The following KIAA1217 variants were observed in gnomAD, a reference collection of about 807,000 sequenced individuals.
The protein encoded by KIAA1217 is sickle tail protein homolog.
A neutral mutation model predicts 163.9 loss-of-function variants in KIAA1217; 88 were observed. That is an observed-to-expected ratio of 0.54 (90% CI 0.45 to 0.64). The LOEUF (loss-of-function observed/expected upper bound fraction) is 0.64, where lower values mean the gene tolerates loss of function less well. Among genes scored for constraint, KIAA1217 ranks in the 30% least tolerant of loss-of-function variants. The pLI is 0.00. For synonymous variants in KIAA1217, 903 were observed against 923.1 expected, an observed-to-expected ratio of 0.98 and a Z score of 0.39; for missense variants, 2,372 against 2,475.0, an observed-to-expected ratio of 0.96 and a Z score of 0.88.
intron 1 of KIAA1217, among the ~76,000 whole-genome samples, chr10:23,852,852 T>G (rs545206762): frequency 6.6e-6 from 1 of 152,346 alleles, no homozygotes; most frequent in Non-Finnish European, 1.5e-5. Context: ...TTGTGATTTT[T>G]GTACATTGAT....
chr10:24,158,191 C>G, intron 2 of KIAA1217: 1 of 740,856 alleles, frequency 1.3e-6, no homozygotes, highest in Non-Finnish European at 2.5e-6. Context: ...GATGCAGAGT[C>G]CTCTTACTGG....
intron 10 of KIAA1217, among the ~76,000 whole-genome samples, chr10:24,517,926 C>T (rs1391381293): frequency 2.6e-5 from 4 of 152,136 alleles, no homozygotes; most frequent in South Asian, 2.1e-4. Flanking sequence ...ACCCGGGAGA[C>T]GGAGGTTGCA....
intron 2 of KIAA1217, among the ~76,000 whole-genome samples, chr10:24,338,482 T>C (rs999816050): frequency 6.6e-6 from 1 of 152,186 alleles, no homozygotes; most frequent in African/African-American, 2.4e-5. Flanking sequence ...TCCTATAGCA[T>C]GTGCACAAGT....
intron 2 of KIAA1217, among the ~76,000 whole-genome samples, chr10:24,271,272 G>C (rs1164921275): frequency 2.0e-5 from 3 of 152,108 alleles, no homozygotes; most frequent in Admixed American, 6.5e-5. Flanking sequence ...AAGAAACTCA[G>C]TAACATTGAA....
chr10:24,387,749 A>G (rs796728101), intron 3 of KIAA1217, among the ~76,000 whole-genome samples: 1 of 152,156 alleles, frequency 6.6e-6, no homozygotes, highest in Admixed American at 6.5e-5. Flanking sequence ...AAGCATTCCT[A>G]TACACCAATA....
intron 1 of KIAA1217, among the ~76,000 whole-genome samples, chr10:23,778,763 G>A (rs1835119576): frequency 6.6e-6 from 1 of 152,184 alleles, no homozygotes; most frequent in Non-Finnish European, 1.5e-5. Flanking sequence ...CTGACATAAA[G>A]TAGGCTGGCT....
intron 2 of KIAA1217, among the ~76,000 whole-genome samples, chr10:24,272,175 A>C (rs2076835609): frequency 6.6e-6 from 1 of 152,196 alleles, no homozygotes; most frequent in South Asian, 2.1e-4. Flanking sequence ...CAATGTGTTT[A>C]TGCAGTAAAA....
intron 1 of KIAA1217, among the ~76,000 whole-genome samples, chr10:23,824,574 G>C (rs2131021535): frequency 7.4e-6 from 1 of 135,296 alleles, no homozygotes; most frequent in East Asian, 2.4e-4. Context: ...GTTGCAGTGA[G>C]CTGAGATGGC....
At chr10:24,126,703 A>G (rs946091077) in intron 2 of KIAA1217, among the ~76,000 whole-genome samples, 4 of 152,032 alleles carry the variant, frequency 2.6e-5, no homozygotes, top group Non-Finnish European at 4.4e-5. Flanking sequence ...TGAACCACCC[A>G]CATAGCCCTG....
At chr10:23,937,208 A>G (rs1326427182) in intron 1 of KIAA1217, among the ~76,000 whole-genome samples, 1 of 152,170 alleles carries the variant, frequency 6.6e-6, no homozygotes, top group Non-Finnish European at 1.5e-5. Flanking sequence ...TATGTGAGCT[A>G]GGTTACATAT....
At chr10:24,189,399 C>T (rs1190404246) in intron 2 of KIAA1217, among the ~76,000 whole-genome samples, 2 of 152,054 alleles carry the variant, frequency 1.3e-5, no homozygotes, top group African/African-American at 4.8e-5. Context: ...AATGATTGGT[C>T]GCCTTGGTAT....
In KIAA1217 at chr10:24,546,414, T is replaced by C. The variant is rs953719860; in HGVS notation, c.*90T>C. On this transcript the variant is annotated 3_prime_UTR_variant, in exon 21 of 21. Coordinates refer to ENST00000376454, the MANE Select transcript of KIAA1217 (RefSeq NM_019590.5). ...TGTTTTCACAAGAGAATGTAACATATTGCTGTATCGTTTGAGGCTTAATGC... is the reference window on the plus strand; with the variant it reads ...TGTTTTCACAAGAGAATGTAACATACTGCTGTATCGTTTGAGGCTTAATGC... 1.4e-5 allele frequency: 18 copies of C among 1,293,182 alleles called. No homozygotes were observed. The Admixed American group carries it at 2.7e-4, about 19-fold the overall frequency. 80.1% of individuals were successfully genotyped at this position (1,293,182 alleles called of 1,614,324 possible). A position where few individuals can be genotyped will look rare whatever the true frequency, so the allele number is the denominator to read the frequency against.
intron 2 of KIAA1217, among the ~76,000 whole-genome samples, chr10:24,088,802 A>G (rs2061816745): frequency 8.0e-6 from 1 of 124,624 alleles, no homozygotes; most frequent in East Asian, 2.0e-4. Flanking sequence ...GCCTTTGGGT[A>G]TATATCCAGT....
chr10:23,731,485 C>T (rs545347844), intron 1 of KIAA1217, among the ~76,000 whole-genome samples: 35 of 152,162 alleles, frequency 2.3e-4, no homozygotes, highest in East Asian at 1.7e-3. Context: ...GTCTCTTATC[C>T]GGTGAAAAAG....
intron 1 of KIAA1217, among the ~76,000 whole-genome samples, chr10:23,767,870 G>C (rs1834611709): frequency 6.6e-6 from 1 of 152,168 alleles, no homozygotes; most frequent in Admixed American, 6.5e-5. Flanking sequence ...CCAGAGCGTA[G>C]GGTGTAAGCT....
intron 2 of KIAA1217, among the ~76,000 whole-genome samples, chr10:24,291,400 G>C (rs1184561977): frequency 2.0e-5 from 3 of 152,164 alleles, no homozygotes; most frequent in Non-Finnish European, 4.4e-5. Context: ...CATGGTGGCA[G>C]GTGCCTGAAA....
intron 2 of KIAA1217, among the ~76,000 whole-genome samples, chr10:24,313,269 A>G (rs1305571438): frequency 1.3e-5 from 2 of 152,174 alleles, no homozygotes; most frequent in Non-Finnish European, 2.9e-5. Context: ...GAGGACAATG[A>G]CAGGAGCCCT....
chr10:24,296,309 C>A (rs2040602158), intron 2 of KIAA1217, among the ~76,000 whole-genome samples: 1 of 152,150 alleles, frequency 6.6e-6, no homozygotes, highest in South Asian at 2.1e-4. Flanking sequence ...TCCATGTTGC[C>A]AAGGCTGGTT....
intron 1 of KIAA1217, among the ~76,000 whole-genome samples, chr10:23,832,486 A>T (rs924124947): frequency 9.9e-5 from 15 of 152,118 alleles, no homozygotes; most frequent in African/African-American, 3.6e-4. Flanking sequence ...GCCATTGGTG[A>T]TCATTCAATA....
Sources: allele counts gnomAD v4.1 joint callset (sites outside exome capture counted in the v4.1 genomes callset), GRCh38; gene constraint gnomAD v4.1.1; transcripts MANE v1.5; gene names NCBI Gene and HGNC (gene_info 2026-07-23, HGNC 2026-07-21).